SHANK2: variants seen among roughly 807,000 people sequenced by gnomAD.
SHANK2 encodes the protein SH3 and multiple ankyrin repeat domains protein 2.
A neutral mutation model predicts 133.7 loss-of-function variants in SHANK2; 43 were observed. The ratio of observed to expected loss-of-function variants is 0.32; its 90% CI spans 0.25 to 0.41. The LOEUF is 0.41. Ranked by LOEUF, SHANK2 falls within the 10% of genes least tolerant of loss-of-function variation. The pLI is 1.00. For missense variants in SHANK2, 1,994 were observed against 2,235.8 expected, an observed-to-expected ratio of 0.89 and a Z score of 2.18; for synonymous variants, 1,017 against 952.8, an observed-to-expected ratio of 1.07 and a Z score of -1.24.
chr11:71,209,918 C>A (rs1296827486), intron 2 of SHANK2, among the ~76,000 whole-genome samples: 1 of 151,988 alleles, frequency 6.6e-6, no homozygotes, highest in Non-Finnish European at 1.5e-5. Flanking sequence ...TCATCAGATG[C>A]CTGGCGCCCA....
chr11:70,843,242 C>G (rs1030876479), intron 11 of SHANK2, among the ~76,000 whole-genome samples: 18 of 72,044 alleles, frequency 2.5e-4, no homozygotes, highest in Non-Finnish European at 4.3e-4. Context: ...ATGGGGTGGG[C>G]TGGGCTCCTA....
At chr11:70,631,793 G>T (rs1472344544) in intron 17 of SHANK2, 1 of 152,300 alleles carries the variant, frequency 6.6e-6, no homozygotes, top group Non-Finnish European at 1.5e-5. Context: ...TTCTCCCCAG[G>T]GCGCCAGGCT....
At chr11:70,660,386 T>C (rs1377546139) in intron 16 of SHANK2, among the ~76,000 whole-genome samples, 1 of 152,194 alleles carries the variant, frequency 6.6e-6, no homozygotes, top group African/African-American at 2.4e-5. Context: ...GGAATTCAAC[T>C]TGGAACGCGG....
chr11:70,545,435 G>C (rs1289795252), intron 17 of SHANK2, among the ~76,000 whole-genome samples: 1 of 152,134 alleles, frequency 6.6e-6, no homozygotes, highest in African/African-American at 2.4e-5. Flanking sequence ...GGGAGGCCCC[G>C]AGCCACCGCA....
At chr11:70,545,589 C>A (rs1258110778) in intron 17 of SHANK2, among the ~76,000 whole-genome samples, 1 of 152,270 alleles carries the variant, frequency 6.6e-6, no homozygotes, top group Non-Finnish European at 1.5e-5. Context: ...TTCACGCACA[C>A]CCTCCGTACG....
At chr11:70,931,750 G>A (rs1462204981) in intron 10 of SHANK2, among the ~76,000 whole-genome samples, 1 of 152,226 alleles carries the variant, frequency 6.6e-6, no homozygotes, top group African/African-American at 2.4e-5. Context: ...GGCGCCAAGC[G>A]TCTATCACAG....
chr11:71,222,640 G>A (rs1300481781), intron 2 of SHANK2, among the ~76,000 whole-genome samples: 1 of 152,228 alleles, frequency 6.6e-6, no homozygotes, highest in Non-Finnish European at 1.5e-5. Context: ...CCAAGTCCAA[G>A]CTCCGAGGAA....
chr11:70,823,819 T>C (rs1555056668), intron 11 of SHANK2, among the ~76,000 whole-genome samples: 1 of 145,560 alleles, frequency 6.9e-6, no homozygotes, highest in African/African-American at 2.6e-5. Flanking sequence ...GTGGCCGAGT[T>C]CATGAGGGAC....
intron 14 of SHANK2, among the ~76,000 whole-genome samples, chr11:70,768,426 A>T (rs1947173831): frequency 1.3e-5 from 2 of 152,166 alleles, no homozygotes; most frequent in Non-Finnish European, 2.9e-5. Flanking sequence ...GAAAAGGATG[A>T]GGTGAGGAAT....
intron 15 of SHANK2, among the ~76,000 whole-genome samples, chr11:70,674,253 C>A (rs1362205264): frequency 1.3e-5 from 2 of 152,184 alleles, no homozygotes; most frequent in Admixed American, 6.5e-5. Context: ...GCCAAAGAAA[C>A]CTCTTTTCTT....
At chr11:70,951,671 G>C (rs1950846944) in intron 10 of SHANK2, among the ~76,000 whole-genome samples, 1 of 152,178 alleles carries the variant, frequency 6.6e-6, no homozygotes, top group Non-Finnish European at 1.5e-5. Context: ...GCTGTGCCGT[G>C]ACATCATAAA....
chr11:70,841,921 A>G (rs1555061829), intron 11 of SHANK2, among the ~76,000 whole-genome samples: 1 of 152,170 alleles, frequency 6.6e-6, no homozygotes, highest in Non-Finnish European at 1.5e-5. Flanking sequence ...ACAACCCCAG[A>G]GCCCACAGCC....
intron 10 of SHANK2, among the ~76,000 whole-genome samples, chr11:70,954,098 G>C (rs767729443): frequency 6.6e-6 from 1 of 152,230 alleles, no homozygotes; most frequent in South Asian, 2.1e-4. Flanking sequence ...GGCACTCATC[G>C]GGGAAGAGGA....
chr11:70,496,007 G>T lies in SHANK2; in HGVS notation c.2309-3542C>A, dbSNP rs188794675. Among the ~76,000 whole-genome samples the T allele has an allele frequency of 2.6e-3, 394 of 152,332 alleles. 3 individuals are homozygous for T. Among genetic ancestry groups the T allele is most frequent in the African/African-American group, 8.9e-3 (370 of 41,576 alleles). The stretch of plus-strand genomic sequence containing the variant: ...ACTTCCAGGCTATGGTAAGCTCAGA[G>T]GCTAAGGTGGCAGCTGGGGCTGAAT... On this transcript the variant is annotated intron_variant, in intron 21 of 25. Transcript: ENST00000601538.
At chr11:70,514,510 C>T (rs782623155) in intron 17 of SHANK2, among the ~76,000 whole-genome samples, 1 of 152,066 alleles carries the variant, frequency 6.6e-6, no homozygotes, top group Non-Finnish European at 1.5e-5. Flanking sequence ...CTGTTTTAGG[C>T]AAAAATAATA....
intron 10 of SHANK2, among the ~76,000 whole-genome samples, chr11:70,938,169 G>A (rs1476601852): frequency 6.6e-6 from 1 of 152,202 alleles, no homozygotes; most frequent in African/African-American, 2.4e-5. Context: ...GCTAGGGACA[G>A]AGTGGGGTGA....
intron 14 of SHANK2, among the ~76,000 whole-genome samples, chr11:70,734,776 G>GA (rs1268503861): frequency 6.6e-6 from 1 of 152,224 alleles, no homozygotes; most frequent in African/African-American, 2.4e-5. Context: ...ATAGCCACAG[G>GA]AATGGCTGCT....
rs1555154194 is a variant in SHANK2, at chr11:70,487,105, G to A, written c.3188C>T (p.Pro1063Leu). The change falls in exon 25 of 26, where the codon CCG (proline) becomes CTG (leucine). Residue 1063 changes from proline (P) to leucine (L), a missense_variant. Physicochemically the swap from Pro to Leu is moderately conservative, Grantham distance 98 (BLOSUM62 -3). This residue lies in a region of SHANK2 where 488 missense variants were observed against 642.6 expected (regional missense o/e 0.76). Transcript: ENST00000601538. The surrounding 1 kb of genome is among the most constrained non-coding windows in gnomAD (Gnocchi z 5.8). ...MEIDPQAPEP[P>L]SQLRPDESLT... ...GCTTTCGTCAGGCCGCAGCTGGCTC[G>A]GTGGCTCCGGGGCCTGGGGGTCGAT... 14 of 1,611,148 alleles carry A rather than the reference G, an allele frequency of 8.7e-6. No individual in the cohort carries two copies. Among genetic ancestry groups the A allele is most frequent in the Non-Finnish European group, 1.1e-5 (13 of 1,179,976 alleles).
rs140773462 is a variant in SHANK2 at position 70,938,786 on chromosome 11, A to G, written c.1108-42219T>C. The stretch of plus-strand genomic sequence containing the variant: ...AAATGCCAGAGGTCAGAGTCAGGCT[A>G]GTGGACTCCAGTTCCACACACCTAG... On this transcript the variant is annotated intron_variant, in intron 10 of 25. Coordinates refer to ENST00000601538, the MANE Select transcript of SHANK2 (RefSeq NM_012309.5). Among the ~76,000 whole-genome samples the G allele has an allele frequency of 8.3e-4, 127 of 152,268 alleles. 2 individuals are homozygous for G. The highest frequency in any genetic ancestry group is 3.4e-3 in the Middle Eastern group (1 of 294).
Sources: allele counts gnomAD v4.1 joint callset (sites outside exome capture counted in the v4.1 genomes callset), GRCh38; gene constraint gnomAD v4.1.1; regional missense constraint gnomAD v4.1.1; non-coding constraint Gnocchi (gnomAD v3.1); transcripts MANE v1.5; gene names NCBI Gene and HGNC (gene_info 2026-07-23, HGNC 2026-07-21).